Variants in DEPDC7 observed in about 807,000 individuals in gnomAD.
DEPDC7 encodes DEP domain-containing protein 7.
DEPDC7 carries 41 observed loss-of-function variants against 56.6 expected under a neutral mutation model. The ratio of observed to expected loss-of-function variants is 0.72; its 90% CI spans 0.56 to 0.94. The LOEUF is 0.94. Among genes scored for constraint, DEPDC7 ranks in the 40% least tolerant of loss-of-function variants. The pLI, the probability that DEPDC7 is intolerant of heterozygous loss-of-function variation, is 0.00. For synonymous variants in DEPDC7, 185 were observed against 208.8 expected, an observed-to-expected ratio of 0.89 and a Z score of 0.98; for missense variants, 522 against 596.3, an observed-to-expected ratio of 0.88 and a Z score of 1.30.
At position 33,033,564 on chromosome 11, in the gene DEPDC7, T is replaced by A; in HGVS notation, c.*109T>A. 1 of 815,700 alleles carries A rather than the reference T, an allele frequency of 1.2e-6. No homozygotes were observed. The highest frequency in any genetic ancestry group is 1.8e-6 in the Non-Finnish European group (1 of 545,878). 50.5% of individuals were successfully genotyped at this position (815,700 alleles called of 1,614,324 possible). On this transcript the variant is annotated 3_prime_UTR_variant, in exon 9 of 9. Transcript: ENST00000241051. The stretch of plus-strand genomic sequence containing the variant: ...GCTCTAAATTTGAAACTGTACTTAA[T>A]AAAAATTTTTTTGTATAACTTCGTG...
intron 2 of DEPDC7, chr11:33,026,317 C>T: frequency 2.2e-6 from 1 of 448,358 alleles, no homozygotes; most frequent in East Asian, 4.2e-5. Context: ...TCTCATACCA[C>T]TTGGTATGAG....
intron 2 of DEPDC7, chr11:33,026,542 CAG>C (rs1483423704): frequency 5.1e-6 from 1 of 195,588 alleles, no homozygotes; most frequent in Non-Finnish European, 1.1e-5. Flanking sequence ...AGTGGTGACA[CAG>C]AGGTATAATT....
Position 33,015,891 on chromosome 11 carries a change from G to A in DEPDC7, c.-65G>A, listed in dbSNP as rs907010453. The stretch of plus-strand genomic sequence containing the variant: ...GCCACGCCCCGCACAGTTAACAGAC[G>A]GGCGCTCAGGGAGCTAGGGAGCTGT... On this transcript the variant is annotated 5_prime_UTR_variant, in exon 1 of 9. Coordinates refer to ENST00000241051, the MANE Select transcript of DEPDC7 (RefSeq NM_001077242.2). 4.0e-6 allele frequency: 6 copies of A among 1,484,122 alleles called. No individual in the cohort carries two copies. In the East Asian group the frequency reaches 1.3e-4, roughly 33 times the overall value. The allele number at this position is 1,484,122 out of a possible 1,614,324, so 91.9% of individuals were successfully genotyped here. A position where few individuals can be genotyped will look rare whatever the true frequency, so the allele number is the denominator to read the frequency against.
At chr11:33,023,179 G>A (rs974338673) in intron 1 of DEPDC7, among the ~76,000 whole-genome samples, 5 of 150,248 alleles carry the variant, frequency 3.3e-5, no homozygotes, top group African/African-American at 9.8e-5. Context: ...GCAGTGAGCC[G>A]AGATCACGCC....
At chr11:33,026,229 CAT>C (rs1853577097) in intron 2 of DEPDC7, 180 bp downstream of exon 2, 2 of 642,396 alleles carry the variant, frequency 3.1e-6, no homozygotes, top group Non-Finnish European at 5.4e-6. Context: ...GTCTCCTAGT[CAT>C]ATTTTATATT....
chr11:33,028,475 C>T (rs1853600350), intron 3 of DEPDC7, 128 bp from the exon 4 acceptor site: 5 of 676,844 alleles, frequency 7.4e-6, no homozygotes, highest in South Asian at 5.4e-5. Flanking sequence ...GAAAGCACTT[C>T]GTAAGGTTGA....
chr11:33,029,325 C>T (rs1853609758), intron 4 of DEPDC7, among the ~76,000 whole-genome samples: 1 of 151,480 alleles, frequency 6.6e-6, no homozygotes, highest in African/African-American at 2.4e-5. Context: ...TGGTAAAACC[C>T]CGACTCTACT....
Position 33,031,473 on chromosome 11 carries a change from A to T in DEPDC7, c.878A>T (p.Asp293Val). The change falls in exon 5 of 9, where the codon GAC becomes GTC. Residue 293 changes from aspartate to valine, a missense_variant. By Grantham distance (152) the Asp-to-Val change is radical. Coordinates refer to ENST00000241051, the MANE Select transcript of DEPDC7 (RefSeq NM_001077242.2). ...EISRSFPEQP[D>V]RTDLVKELLF... ...AGCAGAAGCTTTCCTGAGCAACCAG[A>T]CCGAACAGACTTAGTGAAAGAACTT... The T allele has an allele frequency of 6.2e-7, 1 of 1,614,216 alleles. No individual in the cohort carries two copies. The highest frequency in any genetic ancestry group is 2.2e-5 in the East Asian group (1 of 44,878).
intron 1 of DEPDC7, among the ~76,000 whole-genome samples, chr11:33,024,802 CTGTG>C (rs35371602): frequency 0.17 from 25,018 of 146,290 alleles, 2,160 homozygotes; most frequent in East Asian, 0.27. Flanking sequence ...ATGCATGACT[CTGTG>C]TGTGTGTGTG....
At position 33,028,756 on chromosome 11, in the gene DEPDC7, T is replaced by C; in HGVS notation, c.746T>C (p.Leu249Pro). 6.2e-7 allele frequency: 1 copy of C among 1,612,818 alleles called. No individual in the cohort carries two copies. Among genetic ancestry groups the C allele is most frequent in the Non-Finnish European group, 8.5e-7 (1 of 1,179,760 alleles). Residue 249 changes from leucine to proline, a missense_variant, in exon 4 of 9, where the codon CTG becomes CCG. Physicochemically the swap from Leu to Pro is moderately conservative, Grantham distance 98. Transcript: ENST00000241051. The part of the protein sequence containing the change: ...QSTMVNSSNY[L>P]DRGILKAYSD... ...ACCATGGTCAACAGCAGTAACTATC[T>C]GGATCGAGGGATTCTCAAGGCTTAT...
At chr11:33,023,802 A>G (rs189573741) in intron 1 of DEPDC7, among the ~76,000 whole-genome samples, 6 of 152,300 alleles carry the variant, frequency 3.9e-5, no homozygotes, top group Middle Eastern at 3.4e-3. Context: ...TTCATCTTAA[A>G]CATTCTATTT....
rs138084167 is a variant in DEPDC7, at chr11:33,027,919, G to A, written c.592+106G>A. The A allele has an allele frequency of 2.7e-5, 32 of 1,172,660 alleles. No individual in the cohort carries two copies. In the East Asian group the frequency reaches 8.5e-4, roughly 31 times the overall value. 72.6% of individuals were successfully genotyped at this position (1,172,660 alleles called of 1,614,324 possible). On this transcript the variant is annotated intron_variant, in intron 3 of 8. Transcript: ENST00000241051. ...AGATTTTAAATATTCAAAGTACAGA[G>A]AAAGAGTGCACTATGTATTAAAGCT...
At chr11:33,029,893 G>C (rs1347587813) in intron 4 of DEPDC7, among the ~76,000 whole-genome samples, 1 of 152,182 alleles carries the variant, frequency 6.6e-6, no homozygotes, top group Non-Finnish European at 1.5e-5. Context: ...CCCAACATAT[G>C]TGTTACTGAA....
chr11:33,028,362 A>T (rs1853599305), intron 3 of DEPDC7: 1 of 366,248 alleles, frequency 2.7e-6, no homozygotes, highest in African/African-American at 2.1e-5. Context: ...CTTATCTCTG[A>T]CAGATTGCTT....
intron 1 of DEPDC7, among the ~76,000 whole-genome samples, chr11:33,023,021 C>T (rs1036459365): frequency 2.0e-5 from 3 of 151,824 alleles, no homozygotes; most frequent in African/African-American, 4.8e-5. Context: ...GTCAGGAGAT[C>T]GAGACCATCC....
intron 4 of DEPDC7, among the ~76,000 whole-genome samples, chr11:33,030,230 T>C (rs1157453516): frequency 6.6e-6 from 1 of 152,176 alleles, no homozygotes; most frequent in Non-Finnish European, 1.5e-5. Flanking sequence ...AGTGCTGGGA[T>C]TACAGGCGTG....
In DEPDC7 at chr11:33,025,697, G is replaced by C; in HGVS notation, c.112G>C (p.Val38Leu). ...TCAGAAGCCATTTGGAGCCACGTAT[G>C]TATGGAGCAGCATCATAAACACTCT... ...VAQKPFGATY[V>L]WSSIINTLQT... Residue 38 changes from valine to leucine, a missense_variant, in exon 2 of 9, where the codon GTA becomes CTA. Physicochemically the swap from Val to Leu is conservative, Grantham distance 32. Coordinates refer to ENST00000241051, the MANE Select transcript of DEPDC7 (RefSeq NM_001077242.2). The C allele has an allele frequency of 6.2e-7, 1 of 1,613,406 alleles. No homozygotes were observed. Among genetic ancestry groups the C allele is most frequent in the Non-Finnish European group, 8.5e-7 (1 of 1,179,346 alleles).
At chr11:33,029,967 AT>A (rs920560761) in intron 4 of DEPDC7, among the ~76,000 whole-genome samples, 28 of 148,342 alleles carry the variant, frequency 1.9e-4, no homozygotes, top group Admixed American at 2.0e-4. Context: ...TAATTACTAA[AT>A]TTTTTTTTTT....
chr11:33,016,868 T>C (rs1853469171), intron 1 of DEPDC7, among the ~76,000 whole-genome samples: 1 of 152,236 alleles, frequency 6.6e-6, no homozygotes, highest in South Asian at 2.1e-4. Context: ...TTGGCTTTTT[T>C]CTTTTGGTTA....
Sources: allele counts gnomAD v4.1 joint callset (sites outside exome capture counted in the v4.1 genomes callset), GRCh38; gene constraint gnomAD v4.1.1; transcripts MANE v1.5; gene names NCBI Gene and HGNC (gene_info 2026-07-23, HGNC 2026-07-21).